The following MBOAT4 variants were observed in gnomAD, a reference collection of about 807,000 sequenced individuals.
The protein encoded by MBOAT4 is membrane-bound ghrelin O-acyltransferase MBOAT4.
Under a neutral mutation model 13.2 loss-of-function variants are expected in MBOAT4, and 11 were observed. The observed-to-expected ratio is 0.84, with a 90% CI of 0.53 to 1.38. The LOEUF (loss-of-function observed/expected upper bound fraction) is 1.38, where lower values mean the gene tolerates loss of function less well. Ranked by LOEUF, MBOAT4 falls within the 40% of genes most tolerant of loss-of-function variation. The probability of loss-of-function intolerance (pLI) is 0.00; values close to 1 mark genes in which losing one functional copy is unlikely to be tolerated. For synonymous variants in MBOAT4, 202 were observed against 210.3 expected (o/e 0.96, Z 0.34); for missense variants, 481 against 527.2 (o/e 0.91, Z 0.86).
Position 30,138,549 on chromosome 8 carries a change from A to G in MBOAT4, c.327T>C (p.His109=), listed in dbSNP as rs1288475803. 8 of 1,549,432 alleles carry G rather than the reference A, an allele frequency of 5.2e-6. No homozygotes were observed. Among genetic ancestry groups the G allele is most frequent in the Non-Finnish European group, 6.1e-6 (7 of 1,145,312 alleles). ...CTGCTTACCTCACAGAAGGAGGCTC[A>G]TGCAGATAATACTCAGTGTAGTGCA... is the stretch of plus-strand genomic sequence containing the variant. ...LGLHYTEYYL[H]EPPSVRFCIT... The change falls in exon 2 of 3, where the codon CAT becomes CAC. Residue 109 remains histidine (H), a synonymous_variant. Transcript: ENST00000320542.
rs553743248 is a variant in MBOAT4, at chr8:30,134,800, G to A, written c.345-1894C>T. On this transcript the variant is annotated intron_variant, in intron 2 of 2. Transcript: ENST00000320542. The stretch of plus-strand genomic sequence containing the variant: ...TCATCTCAGGAGATCTGCCCGCCTC[G>A]GCCTCCCAAAGTGCTAGGATTACAG... Among the ~76,000 whole-genome samples the A allele has an allele frequency of 5.8e-4, 88 of 152,168 alleles. 1 individual carries two copies. The highest frequency in any genetic ancestry group is 2.0e-3 in the African/African-American group (81 of 41,536).
At chr8:30,139,853 A>C (rs1299649176) in intron 1 of MBOAT4, among the ~76,000 whole-genome samples, 4 of 152,118 alleles carry the variant, frequency 2.6e-5, no homozygotes, top group Non-Finnish European at 5.9e-5. Flanking sequence ...CTAGCTACTC[A>C]GGAGTCTGAG....
In MBOAT4 at chr8:30,132,407, C is replaced by G; in HGVS notation, c.844G>C (p.Glu282Gln). ...GPELGQSPGE[E>Q]GYVPDADIWT... is the part of the protein sequence containing the mutation. ...ATGTCTGCATCGGGGACATATCCCT[C>G]CTCTCCAGGGCTCTGACCAAGCTCA... The change falls in exon 3 of 3, where the codon GAG becomes CAG. Residue 282 changes from glutamate (E) to glutamine (Q), a missense_variant. Transcript: ENST00000320542. The G allele has an allele frequency of 6.4e-7, 1 of 1,551,762 alleles. No homozygotes were observed. The highest frequency in any genetic ancestry group is 8.7e-7 in the Non-Finnish European group (1 of 1,147,020).
chr8:30,143,113 T>G (rs1024057597), intron 1 of MBOAT4, among the ~76,000 whole-genome samples: 1 of 152,110 alleles, frequency 6.6e-6, no homozygotes, highest in Admixed American at 6.5e-5. Context: ...CTCAGCATCA[T>G]ACAATATACC....
At chr8:30,139,403 G>A (rs752299685) in intron 1 of MBOAT4, among the ~76,000 whole-genome samples, 5 of 152,028 alleles carry the variant, frequency 3.3e-5, no homozygotes, top group Admixed American at 6.6e-5. Context: ...CTCCTGGTAC[G>A]TCATCTGACT....
rs907544039 is a variant in MBOAT4 at position 30,138,516 on chromosome 8, C to T, written c.344+16G>A. On this transcript the variant is annotated intron_variant, in intron 2 of 2. Transcript: ENST00000320542. Reference sequence around the variant, plus strand: ...CTGTAGGTGGGCTGAGCATGACCAACGAACAGGCTGCTTACCTCACAGAAG... The same window carrying T: ...CTGTAGGTGGGCTGAGCATGACCAATGAACAGGCTGCTTACCTCACAGAAG... 53 of 1,537,088 alleles carry T rather than the reference C, an allele frequency of 3.4e-5. No individual in the cohort carries two copies. Among genetic ancestry groups the T allele is most frequent in the Non-Finnish European group, 4.3e-5 (49 of 1,135,350 alleles).
intron 2 of MBOAT4, 122 bp from the exon 3 acceptor site, chr8:30,133,028 A>C (rs1803061091): frequency 8.2e-4 from 685 of 837,120 alleles, no homozygotes; most frequent in Non-Finnish European, 1.0e-3. Context: ...GATTAATCTC[A>C]TGGCCTGCAG....
chr8:30,133,801 A>AAG (rs1033434937), intron 2 of MBOAT4, among the ~76,000 whole-genome samples: 3 of 151,540 alleles, frequency 2.0e-5, no homozygotes, highest in Non-Finnish European at 4.4e-5. Flanking sequence ...AAAAAAAAAA[A>AAG]AAAAGAAAGA....
intron 2 of MBOAT4, chr8:30,137,222 AT>A: frequency 7.2e-7 from 1 of 1,382,834 alleles, no homozygotes; most frequent in Non-Finnish European, 1.0e-6. Flanking sequence ...TTGCTGATTC[AT>A]GACAACACTT....
chr8:30,143,366 AAT>A (rs1329756154), intron 1 of MBOAT4, among the ~76,000 whole-genome samples: 92 of 20,394 alleles, frequency 4.5e-3, no homozygotes, highest in Middle Eastern at 0.056. Context: ...AAAAAAAAAA[AAT>A]ATATATATAT....
chr8:30,143,394 TATATATAAAA>T (rs1803296449), intron 1 of MBOAT4, among the ~76,000 whole-genome samples: 1 of 3,540 alleles, frequency 2.8e-4, no homozygotes, highest in Non-Finnish European at 4.9e-3. Context: ...TATATATATA[TATATATAAAA>T]ATAAATAAAA....
intron 1 of MBOAT4, among the ~76,000 whole-genome samples, chr8:30,142,214 C>T (rs1429242714): frequency 6.6e-6 from 1 of 152,092 alleles, no homozygotes; most frequent in Non-Finnish European, 1.5e-5. Context: ...CTTAAAATAA[C>T]CCCATGAGAT....
Position 30,143,395 on chromosome 8 carries a change from A to G in MBOAT4, c.119+1088T>C, listed in dbSNP as rs1803296324. Among the ~76,000 whole-genome samples, 6 of 4,576 alleles carry G rather than the reference A, an allele frequency of 1.3e-3. No individual in the cohort carries two copies. The Admixed American group carries it at 0.027, about 21-fold the overall frequency. The allele number at this position is 4,576 out of a possible 152,430, so 3.0% of individuals were successfully genotyped here. A position where few individuals can be genotyped will look rare whatever the true frequency, so the allele number is the denominator to read the frequency against. On this transcript the variant is annotated intron_variant, in intron 1 of 2. Transcript: ENST00000320542. ...TATATATATATATATATATATATATATATATAAAAATAAATAAAATAAAAA... is the reference window on the plus strand; with the variant it reads ...TATATATATATATATATATATATATGTATATAAAAATAAATAAAATAAAAA...
chr8:30,133,488 T>C (rs549247906), intron 2 of MBOAT4, among the ~76,000 whole-genome samples: 23 of 152,188 alleles, frequency 1.5e-4, no homozygotes, highest in Non-Finnish European at 2.4e-4. Context: ...CTTGAGAAGC[T>C]TCCCAGGGAT....
chr8:30,137,136 A>G (rs1736541244), intron 2 of MBOAT4: 2 of 713,090 alleles, frequency 2.8e-6, no homozygotes, highest in East Asian at 2.7e-5. Context: ...CCTGAAGCCA[A>G]TTGTGATCAC....
rs1334669298 is a variant in MBOAT4 at position 30,137,153 on chromosome 8, G to C, written c.344+1379C>G. On this transcript the variant is annotated intron_variant, in intron 2 of 2. Coordinates refer to ENST00000320542, the MANE Select transcript of MBOAT4 (RefSeq NM_001100916.2). ...TGAAGCCAATTGTGATCACCAGAGA[G>C]AGCCAGGAACATGAGATCTCCAGAT... The C allele has an allele frequency of 3.0e-5, 24 of 792,078 alleles. 1 individual carries two copies. Among genetic ancestry groups the C allele is most frequent in the Admixed American group, 1.4e-4 (6 of 43,528 alleles). The allele number at this position is 792,078 out of a possible 1,614,324, so 49.1% of individuals were successfully genotyped here.
intron 2 of MBOAT4, among the ~76,000 whole-genome samples, chr8:30,134,832 G>A (rs1007090974): frequency 2.0e-5 from 3 of 152,034 alleles, no homozygotes; most frequent in Non-Finnish European, 4.4e-5. Context: ...ACAGGTGTGA[G>A]CCACTGCTCC....
chr8:30,138,620 T>C lies in MBOAT4; in HGVS notation c.256A>G (p.Thr86Ala), dbSNP rs1563222439. The C allele has an allele frequency of 6.4e-7, 1 of 1,551,530 alleles. No homozygotes were observed. The highest frequency in any genetic ancestry group is 1.2e-5 in the South Asian group (1 of 84,048). Residue 86 changes from threonine (T) to alanine (A), a missense_variant, in exon 2 of 3, where the codon ACC becomes GCC. Transcript: ENST00000320542. ...TGCCAGCTCATCTGAAAGCAGAAGGTCCACCTGTGGACTTGCTGAGGAGCC... is the reference window on the plus strand; with the variant it reads ...TGCCAGCTCATCTGAAAGCAGAAGGCCCACCTGTGGACTTGCTGAGGAGCC... ...SLAPQQVHRW[T>A]FCFQMSWQTL...
chr8:30,143,475 C>T (rs1385074707), intron 1 of MBOAT4, among the ~76,000 whole-genome samples: 3 of 151,842 alleles, frequency 2.0e-5, no homozygotes, highest in Admixed American at 2.0e-4. Flanking sequence ...GTTAACAGTA[C>T]ACTCACCATT....
Sources: gnomAD v4.1 joint callset for allele counts (sites outside exome capture counted in the v4.1 genomes callset) on GRCh38, gnomAD v4.1.1 for gene constraint, MANE v1.5 for transcripts, NCBI Gene and HGNC (gene_info 2026-07-23, HGNC 2026-07-21) for gene names.